ZC3H12B: variants seen among roughly 807,000 people sequenced by gnomAD.
ZC3H12B encodes zinc finger CCCH-type containing 12B, also known as probable ribonuclease ZC3H12B.
Under a neutral mutation model 43.9 loss-of-function variants are expected in ZC3H12B, and 7 were observed. The observed-to-expected ratio is 0.16, with a 90% confidence interval of 0.09 to 0.30. The LOEUF is 0.30. ZC3H12B is among the 10% of genes least tolerant of loss of function. The pLI is 1.00. For synonymous variants in ZC3H12B, 222 were observed against 241.7 expected (o/e 0.92, Z 0.76); for missense variants, 475 against 670.2 (o/e 0.71, Z 3.22).
At chrX:65,499,948 G>A in exon 4 of ZC3H12B, 1 of 1,211,555 alleles carries the variant, frequency 8.3e-7, no homozygotes, top group Non-Finnish European at 1.1e-6. Flanking sequence ...TTAAGAAAGA[G>A]ACCCATTGTT....
At chrX:65,185,771 T>C in the ZC3H12B span, 6 of 111,340 alleles carry the variant, frequency 5.4e-5, no homozygotes, top group East Asian at 1.7e-3. Context: ...ACAACAAAGA[T>C]GACATATCAG....
the ZC3H12B span, among the ~76,000 whole-genome samples, chrX:65,345,034 A>G: frequency 8.9e-6 from 1 of 112,276 alleles, no homozygotes; most frequent in Admixed American, 9.4e-5. Flanking sequence ...TGGCTATTAA[A>G]AAGGCTAAAA....
At chrX:65,502,550 C>T (rs754232430) in exon 5 of ZC3H12B, 9 of 1,210,693 alleles carry the variant, frequency 7.4e-6, no homozygotes, top group East Asian at 3.0e-5. Flanking sequence ...GAAGCTGCAC[C>T]GCTCAGCATC....
At chrX:65,481,124 A>G (rs2068058513) in intron 3 of ZC3H12B, among the ~76,000 whole-genome samples, 1 of 110,573 alleles carries the variant, frequency 9.0e-6, no homozygotes, top group Non-Finnish European at 1.9e-5. Flanking sequence ...ATTGTCTTTC[A>G]CACCTCCATG....
At chrX:65,314,786 CTATT>C in the ZC3H12B span, among the ~76,000 whole-genome samples, 1 of 110,596 alleles carries the variant, frequency 9.0e-6, no homozygotes, top group South Asian at 3.7e-4. Flanking sequence ...ATATAACTAT[CTATT>C]GAAAGTAAAA....
At chrX:65,096,522 A>C in the ZC3H12B span, among the ~76,000 whole-genome samples, 1 of 112,283 alleles carries the variant, frequency 8.9e-6, no homozygotes, top group Non-Finnish European at 1.9e-5. Flanking sequence ...GAATGCTTTT[A>C]ATGGGCCTGT....
the ZC3H12B span, among the ~76,000 whole-genome samples, chrX:65,209,627 G>C: frequency 9.2e-6 from 1 of 109,149 alleles, no homozygotes; most frequent in East Asian, 2.9e-4. Flanking sequence ...AATAGGTGTG[G>C]TGTGGTGCTG....
chrX:65,319,745 C>A, the ZC3H12B span, among the ~76,000 whole-genome samples: 1 of 111,050 alleles, frequency 9.0e-6, no homozygotes, highest in Non-Finnish European at 1.9e-5. Flanking sequence ...GTGCCTTATC[C>A]CTGGGATACA....
At chrX:65,399,759 A>C (rs968527937) in intron 3 of ZC3H12B, among the ~76,000 whole-genome samples, 2 of 112,458 alleles carry the variant, frequency 1.8e-5, no homozygotes, top group African/African-American at 6.5e-5. Flanking sequence ...TATGCACAAT[A>C]GCCAAGATTT....
At chrX:65,361,646 C>T (rs2066104674), upstream of ZC3H12B, among the ~76,000 whole-genome samples, 1 of 110,690 alleles carries the variant, frequency 9.0e-6, no homozygotes, top group Non-Finnish European at 1.9e-5. Context: ...GCTCATGTCC[C>T]ATTTGGCAAC....
the ZC3H12B span, among the ~76,000 whole-genome samples, chrX:65,338,125 G>T: frequency 4.5e-5 from 5 of 111,609 alleles, no homozygotes; most frequent in African/African-American, 1.6e-4. Flanking sequence ...TAGAGTCTTT[G>T]GACTGTGTAG....
At chrX:65,321,719 A>C in the ZC3H12B span, among the ~76,000 whole-genome samples, 1 of 110,636 alleles carries the variant, frequency 9.0e-6, no homozygotes, top group Non-Finnish European at 1.9e-5. Context: ...GCCGTAGAAG[A>C]GAGTGAGAAC....
At chrX:65,229,498 C>T in the ZC3H12B span, among the ~76,000 whole-genome samples, 5 of 109,852 alleles carry the variant, frequency 4.6e-5, no homozygotes, top group African/African-American at 1.7e-4. Context: ...TCTAAAACAC[C>T]AAAAGCAATG....
chrX:65,092,945 C>T, the ZC3H12B span, among the ~76,000 whole-genome samples: 1 of 111,672 alleles, frequency 9.0e-6, no homozygotes, highest in East Asian at 2.8e-4. Context: ...TTTGTGGCAG[C>T]CCCTTCCTTC....
the ZC3H12B span, among the ~76,000 whole-genome samples, chrX:65,223,721 C>G: frequency 8.9e-6 from 1 of 111,988 alleles, no homozygotes; most frequent in African/African-American, 3.2e-5. Context: ...TGAAGAAATG[C>G]TCAACATCAC....
At chrX:65,251,750 G>T in the ZC3H12B span, among the ~76,000 whole-genome samples, 1 of 111,367 alleles carries the variant, frequency 9.0e-6, no homozygotes, top group Non-Finnish European at 1.9e-5. Flanking sequence ...TGTTATTGGT[G>T]TATAAGAATG....
At chrX:65,372,226 A>G (rs1468101317) in intron 2 of ZC3H12B, among the ~76,000 whole-genome samples, 1 of 112,114 alleles carries the variant, frequency 8.9e-6, no homozygotes, top group Non-Finnish European at 1.9e-5. Flanking sequence ...CAGCAAAAGT[A>G]TTTTAGATTC....
At chrX:65,211,976 CTATATAATATATAATATA>C in the ZC3H12B span, among the ~76,000 whole-genome samples, 11 of 60,994 alleles carry the variant, frequency 1.8e-4, no homozygotes, top group Non-Finnish European at 2.9e-4. Context: ...GTTATGTATA[CTATATAATATATAATATA>C]TGTTATGTAT....
At chrX:65,497,110 T>A in intron 1 of ZC3H12B, 22 bp from the exon 7 acceptor site, 1 of 1,184,079 alleles carries the variant, frequency 8.4e-7, no homozygotes, top group Non-Finnish European at 1.1e-6. Context: ...TCTTCTCTCC[T>A]CTTATTCTGT....
Sources: gnomAD v4.1 joint callset for allele counts (sites outside exome capture counted in the v4.1 genomes callset) on GRCh38, gnomAD v4.1.1 for gene constraint, MANE v1.5 for transcripts, NCBI Gene and HGNC (gene_info 2026-07-23, HGNC 2026-07-21) for gene names.